NRCAM: variants seen among roughly 807,000 people sequenced by gnomAD.
NRCAM encodes NgCAM-related cell adhesion molecule.
A neutral mutation model predicts 156.5 loss-of-function variants in NRCAM; 83 were observed. The ratio of observed to expected loss-of-function variants is 0.53; its 90% CI spans 0.44 to 0.64. The LOEUF (loss-of-function observed/expected upper bound fraction) is 0.64, where lower values mean the gene tolerates loss of function less well. NRCAM is among the 30% of genes least tolerant of loss of function. The pLI is 0.00. For missense variants in NRCAM, 1,417 were observed against 1,597.3 expected, an observed-to-expected ratio of 0.89 and a Z score of 1.92; for synonymous variants, 538 against 563.9, an observed-to-expected ratio of 0.95 and a Z score of 0.65.
chr7:108,454,959 G>A (rs1391030812), intron 1 of NRCAM, among the ~76,000 whole-genome samples: 1 of 152,238 alleles, frequency 6.6e-6, no homozygotes, highest in Non-Finnish European at 1.5e-5. Context: ...GGAGAGAGGC[G>A]GGGTGCGAAA....
Position 108,393,560 on chromosome 7 carries a change from G to A in NRCAM, c.-174+5876C>T, listed in dbSNP as rs372293066. Among the ~76,000 whole-genome samples, 60 of 152,088 alleles carry A rather than the reference G, an allele frequency of 3.9e-4. 1 individual carries two copies. Among genetic ancestry groups the A allele is most frequent in the South Asian group, 1.5e-3 (7 of 4,818 alleles). ...GTGAGGTGATGCCTCACCTTGCTTC[G>A]GCTCTCACTCAGTGGGCTGCACCCA... On this transcript the variant is annotated intron_variant, in intron 2 of 32. Coordinates refer to ENST00000379028, the MANE Select transcript of NRCAM (RefSeq NM_001037132.4).
chr7:108,449,363 TC>T, intron 1 of NRCAM, among the ~76,000 whole-genome samples: 1 of 151,776 alleles, frequency 6.6e-6, no homozygotes, highest in Non-Finnish European at 1.5e-5. Flanking sequence ...TTGACCCAGC[TC>T]CCCCCTCCCT....
intron 13 of NRCAM, among the ~76,000 whole-genome samples, chr7:108,204,763 AG>A (rs2080164215): frequency 6.6e-6 from 1 of 152,130 alleles, no homozygotes; most frequent in African/African-American, 2.4e-5. Flanking sequence ...TTTCTGTCTC[AG>A]GGGGCCTTAA....
chr7:108,188,974 G>C lies in NRCAM; in HGVS notation c.2035+671C>G, dbSNP rs1440837961. Among the ~76,000 whole-genome samples the C allele has an allele frequency of 5.3e-5, 8 of 151,150 alleles. No homozygotes were observed. In the East Asian group the frequency reaches 1.6e-3, roughly 31 times the overall value. ...TGACCTGATTGTGTCTGCCTCTTAA[G>C]TATCTCTTTGGTTTTACAATTCAAC... On this transcript the variant is annotated intron_variant, in intron 20 of 32. Coordinates refer to ENST00000379028, the MANE Select transcript of NRCAM (RefSeq NM_001037132.4).
chr7:108,238,452 A>G (rs554932956), intron 4 of NRCAM, among the ~76,000 whole-genome samples: 1 of 152,264 alleles, frequency 6.6e-6, no homozygotes, highest in East Asian at 1.9e-4. Flanking sequence ...TGCAATTCAA[A>G]TCATTCCACA....
At chr7:108,282,889 T>G (rs1209736758) in intron 3 of NRCAM, among the ~76,000 whole-genome samples, 1 of 152,238 alleles carries the variant, frequency 6.6e-6, no homozygotes, top group Non-Finnish European at 1.5e-5. Flanking sequence ...CTGGGGAGAT[T>G]TGAAGACTCC....
At chr7:108,324,625 T>G (rs1235262050) in intron 2 of NRCAM, among the ~76,000 whole-genome samples, 1 of 152,172 alleles carries the variant, frequency 6.6e-6, no homozygotes, top group African/African-American at 2.4e-5. Flanking sequence ...CATGGAAGCC[T>G]CCCTGTCCAG....
intron 1 of NRCAM, among the ~76,000 whole-genome samples, chr7:108,452,771 A>G (rs1446933701): frequency 6.6e-6 from 1 of 152,208 alleles, no homozygotes; most frequent in East Asian, 1.9e-4. Flanking sequence ...TAAATTTGCT[A>G]TGGGTTACCG....
intron 3 of NRCAM, among the ~76,000 whole-genome samples, chr7:108,254,853 C>T (rs560753883): frequency 1.3e-5 from 2 of 152,232 alleles, no homozygotes; most frequent in African/African-American, 4.8e-5. Context: ...CCCAACCTGG[C>T]AATTTCTTAA....
At chr7:108,160,258 G>C (rs2048100778) in intron 31 of NRCAM, 103 bp downstream of exon 31, 1 of 1,194,924 alleles carries the variant, frequency 8.4e-7, no homozygotes, top group African/African-American at 1.5e-5. Flanking sequence ...TCATGGCTCT[G>C]GGAAGACAAA....
At chr7:108,222,758 C>T (rs2092668353) in intron 11 of NRCAM, among the ~76,000 whole-genome samples, 1 of 152,150 alleles carries the variant, frequency 6.6e-6, no homozygotes, top group Non-Finnish European at 1.5e-5. Context: ...TCAAGGACAG[C>T]AGGGATCACA....
rs569577023 is a variant in NRCAM, at chr7:108,165,452, C to T, written c.3466+1469G>A. 1.8e-4 allele frequency among the ~76,000 whole-genome samples: 28 copies of T among 152,116 alleles called. 1 individual carries two copies. Among genetic ancestry groups the T allele is most frequent in the African/African-American group, 6.8e-4 (28 of 41,416 alleles). On this transcript the variant is annotated intron_variant, in intron 30 of 32. Transcript: ENST00000379028. Reference sequence around the variant, plus strand: ...AGGAGAGCTGACTAAATGCTAGTCCCATTACTATTATTAGCATTCCAGCTA... The same window carrying T: ...AGGAGAGCTGACTAAATGCTAGTCCTATTACTATTATTAGCATTCCAGCTA...
At chr7:108,182,144 A>G (rs1395496481) in intron 23 of NRCAM, among the ~76,000 whole-genome samples, 4 of 151,198 alleles carry the variant, frequency 2.6e-5, no homozygotes, top group Non-Finnish European at 5.9e-5. Flanking sequence ...TATGTTGCCC[A>G]GGCTAGACTC....
chr7:108,373,748 T>C (rs970397591), intron 2 of NRCAM, among the ~76,000 whole-genome samples: 1 of 152,162 alleles, frequency 6.6e-6, no homozygotes, highest in East Asian at 1.9e-4. Context: ...ACAGAGCTAA[T>C]GGTTGTCACT....
chr7:108,255,164 T>TC (rs2096566272), intron 3 of NRCAM, among the ~76,000 whole-genome samples: 3 of 111,826 alleles, frequency 2.7e-5, no homozygotes, highest in African/African-American at 8.9e-5. Flanking sequence ...CCTCTCCCTC[T>TC]CCCCCTCCCC....
intron 30 of NRCAM, among the ~76,000 whole-genome samples, chr7:108,166,072 A>G (rs562891899): frequency 9.4e-6 from 1 of 106,272 alleles, no homozygotes; most frequent in Admixed American, 8.5e-5. Flanking sequence ...ATATTCACAT[A>G]AGTAAATATA....
rs377161267 is a variant in NRCAM at position 108,356,268 on chromosome 7, CAGAA to C, written c.-174+43164_-174+43167del. On this transcript the variant is annotated intron_variant, in intron 2 of 32. Coordinates refer to ENST00000379028, the MANE Select transcript of NRCAM (RefSeq NM_001037132.4). ...AGCCACAATAAGATATTTTAAGAGA[CAGAA>C]AGACCACATTCACATAATTTTTATT... is the stretch of plus-strand genomic sequence containing the variant. 3.5e-4 allele frequency among the ~76,000 whole-genome samples: 53 copies of C among 152,156 alleles called. 1 individual carries two copies. The East Asian group carries it at 5.2e-3, about 15-fold the overall frequency.
At chr7:108,180,072 T>C in intron 25 of NRCAM, 151 bp downstream of exon 25, 1 of 653,358 alleles carries the variant, frequency 1.5e-6, no homozygotes, top group Non-Finnish European at 2.6e-6. Flanking sequence ...TCTGACATTT[T>C]GGTAGCTTTG....
At chr7:108,219,559 T>C (rs1165979356) in intron 11 of NRCAM, among the ~76,000 whole-genome samples, 1 of 152,140 alleles carries the variant, frequency 6.6e-6, no homozygotes, top group Non-Finnish European at 1.5e-5. Context: ...CACAAGTCAA[T>C]AAATGTGATA....
Sources: gnomAD v4.1 joint callset for allele counts (sites outside exome capture counted in the v4.1 genomes callset) on GRCh38, gnomAD v4.1.1 for gene constraint, MANE v1.5 for transcripts, NCBI Gene and HGNC (gene_info 2026-07-23, HGNC 2026-07-21) for gene names.